The following DCDC1 variants were observed in gnomAD, a reference collection of about 807,000 sequenced individuals.
The protein encoded by DCDC1 is doublecortin domain containing 1, also known as doublecortin domain-containing protein 1.
DCDC1 carries 200 observed loss-of-function variants against 178.3 expected under a neutral mutation model. The observed-to-expected ratio is 1.12, with a 90% CI of 1.00 to 1.26. The LOEUF is 1.26. DCDC1 is among the 50% of genes most tolerant of loss of function. The probability of loss-of-function intolerance (pLI) is 0.00; values close to 1 mark genes in which losing one functional copy is unlikely to be tolerated. For synonymous variants in DCDC1, 690 were observed against 604.8 expected, an observed-to-expected ratio of 1.14 and a Z score of -2.07; for missense variants, 1,983 against 1,749.2, an observed-to-expected ratio of 1.13 and a Z score of -2.38.
chr11:30,906,335 A>T, intron 30 of DCDC1: 8 of 491,980 alleles, frequency 1.6e-5, no homozygotes. Flanking sequence ...TTAACTTCAA[A>T]GAGTCTATTG....
Position 31,306,262 on chromosome 11 carries a change from A to G in DCDC1, c.561T>C (p.Phe187=). The stretch of plus-strand genomic sequence containing the variant: ...TGATGGTTGGTACAGTAACTCTGGC[A>G]AAGACTGTTCTAGATCCATTTTTGT... The part of the protein sequence containing the change: ...TAYKNGSRTV[F]ARVTVPTITL... The change falls in exon 5 of 39, where the codon TTT becomes TTC. Residue 187 remains phenylalanine, a synonymous_variant. Transcript: ENST00000684477. 1 of 1,599,704 alleles carries G rather than the reference A, an allele frequency of 6.3e-7. No individual in the cohort carries two copies. The highest frequency in any genetic ancestry group is 1.7e-4 in the Middle Eastern group (1 of 6,018).
chr11:31,121,757 C>G (rs566435351), intron 11 of DCDC1, among the ~76,000 whole-genome samples: 1 of 151,938 alleles, frequency 6.6e-6, no homozygotes, highest in Admixed American at 6.6e-5. Flanking sequence ...GAGCTGTGAG[C>G]TTACATATAT....
intron 20 of DCDC1, among the ~76,000 whole-genome samples, chr11:31,027,136 G>A (rs1321958): frequency 0.29 from 44,619 of 151,450 alleles, 7,522 homozygotes; most frequent in Non-Finnish European, 0.37. Flanking sequence ...TCCAACATGA[G>A]TCCTTTTCGT....
chr11:31,363,257 G>T (rs1483903369), intron 1 of DCDC1, among the ~76,000 whole-genome samples: 2 of 151,932 alleles, frequency 1.3e-5, no homozygotes, highest in African/African-American at 4.8e-5. Context: ...CTTTAAGTGA[G>T]CACACAACAT....
chr11:30,868,346 G>C (rs1261227447), intron 38 of DCDC1, among the ~76,000 whole-genome samples: 8 of 148,524 alleles, frequency 5.4e-5, no homozygotes, highest in Non-Finnish European at 8.9e-5. Flanking sequence ...CGCCTCCCGG[G>C]TTCCAGAGAT....
intron 6 of DCDC1, among the ~76,000 whole-genome samples, chr11:31,294,786 GA>G (rs1947511964): frequency 7.1e-6 from 1 of 140,620 alleles, no homozygotes; most frequent in Admixed American, 7.3e-5. Flanking sequence ...GAGAAAGAAA[GA>G]AAAATAAAGA....
rs770544810 is a variant in DCDC1, at chr11:30,892,896, G to A, written c.5004C>T (p.Asn1668=). 59 of 1,613,794 alleles carry A rather than the reference G, an allele frequency of 3.7e-5. No individual in the cohort carries two copies. The highest frequency in any genetic ancestry group is 4.7e-5 in the Non-Finnish European group (55 of 1,179,852). ...TTAGATAAATCCACACTCGTTTTGT[G>A]TTGGGCTGCTTATACAGGTTGCTCG... The part of the protein sequence containing the change: ...VKPSNLYKQP[N]TKRVWIYLNG... Residue 1668 remains asparagine (N), a synonymous_variant, in exon 36 of 39, where the codon AAC becomes AAT. Coordinates refer to ENST00000684477, the MANE Select transcript of DCDC1 (RefSeq NM_001387274.1).
At chr11:31,240,782 A>T (rs1977043706) in intron 9 of DCDC1, among the ~76,000 whole-genome samples, 1 of 152,056 alleles carries the variant, frequency 6.6e-6, no homozygotes, top group Admixed American at 6.6e-5. Flanking sequence ...AAATGGCATC[A>T]GTTATTCTGC....
rs1954916322 is a variant in DCDC1, at chr11:31,047,410, GAAAA to G, written c.2591+17055_2591+17058del. 2.0e-5 allele frequency among the ~76,000 whole-genome samples: 3 copies of G among 152,190 alleles called. No homozygotes were observed. The South Asian group carries it at 6.2e-4, about 32-fold the overall frequency. Reference sequence around the variant, plus strand: ...CCAGATATTTATAAAAAGGGAGAGAGAAAAAATAATAATCAAGATTGTATATTTT... The same window carrying G: ...CCAGATATTTATAAAAAGGGAGAGAGAATAATAATCAAGATTGTATATTTT... On this transcript the variant is annotated intron_variant, in intron 20 of 38. Transcript: ENST00000684477.
intron 19 of DCDC1, 138 bp downstream of exon 19, chr11:31,064,881 G>A (rs1956160539): frequency 1.4e-5 from 8 of 567,400 alleles, no homozygotes; most frequent in Non-Finnish European, 2.2e-5. Context: ...ATTATATTAT[G>A]TGTATTATTT....
At chr11:30,881,587 T>C (rs1031226441) in intron 36 of DCDC1, among the ~76,000 whole-genome samples, 2 of 152,172 alleles carry the variant, frequency 1.3e-5, no homozygotes, top group African/African-American at 4.8e-5. Flanking sequence ...AATTCCTAAA[T>C]ATGATAAAAA....
chr11:31,359,491 G>A (rs935538345), intron 1 of DCDC1, among the ~76,000 whole-genome samples: 1 of 151,434 alleles, frequency 6.6e-6, no homozygotes, highest in Non-Finnish European at 1.5e-5. Context: ...GCTAGATGAC[G>A]AGTTAGTGGG....
rs12287739 is a variant in DCDC1 at position 31,029,563 on chromosome 11, C to A, written c.2591+34906G>T. Among the ~76,000 whole-genome samples the A allele has an allele frequency of 5.0e-3, 753 of 152,076 alleles. 3 individuals are homozygous for A. Among genetic ancestry groups the A allele is most frequent in the African/African-American group, 0.017 (689 of 41,540 alleles). On this transcript the variant is annotated intron_variant, in intron 20 of 38. Coordinates refer to ENST00000684477, the MANE Select transcript of DCDC1 (RefSeq NM_001387274.1). ...ATTTTTTAAATTGACATTATTTTAG[C>A]AAACAAATATTTTGTTTCAGATATT...
intron 20 of DCDC1, among the ~76,000 whole-genome samples, chr11:30,988,151 A>G (rs955897399): frequency 2.0e-5 from 3 of 152,236 alleles, no homozygotes; most frequent in African/African-American, 7.2e-5. Flanking sequence ...TCATTTAAAA[A>G]TAATGACTCT....
intron 9 of DCDC1, among the ~76,000 whole-genome samples, chr11:31,185,527 CATCA>C (rs1173514952): frequency 6.6e-6 from 1 of 152,138 alleles, no homozygotes; most frequent in Non-Finnish European, 1.5e-5. Context: ...CAATTCTCTG[CATCA>C]TTCACCACCA....
At chr11:31,194,946 C>G (rs1378891409) in intron 9 of DCDC1, among the ~76,000 whole-genome samples, 3 of 152,040 alleles carry the variant, frequency 2.0e-5, no homozygotes, top group Non-Finnish European at 2.9e-5. Flanking sequence ...AGATAAAAAT[C>G]TCACCCTGTG....
intron 6 of DCDC1, among the ~76,000 whole-genome samples, chr11:31,293,035 A>G (rs1453981574): frequency 1.3e-5 from 2 of 152,120 alleles, no homozygotes; most frequent in Non-Finnish European, 2.9e-5. Flanking sequence ...ACCTCCCTGA[A>G]TTTCAGATTT....
At chr11:30,971,512 C>A (rs1030876444) in intron 20 of DCDC1, among the ~76,000 whole-genome samples, 2 of 149,648 alleles carry the variant, frequency 1.3e-5, no homozygotes, top group Admixed American at 6.6e-5. Flanking sequence ...ATGAAATAAT[C>A]CATTGAATGA....
chr11:31,313,230 C>T (rs978526005), intron 3 of DCDC1, among the ~76,000 whole-genome samples: 3 of 152,052 alleles, frequency 2.0e-5, no homozygotes, highest in Non-Finnish European at 2.9e-5. Flanking sequence ...TTATAAGTTA[C>T]ACATTTGCTT....
Sources: allele counts gnomAD v4.1 joint callset (sites outside exome capture counted in the v4.1 genomes callset), GRCh38; gene constraint gnomAD v4.1.1; transcripts MANE v1.5; gene names NCBI Gene and HGNC (gene_info 2026-07-23, HGNC 2026-07-21).